The following C4orf36 variants were observed in gnomAD, a reference collection of about 807,000 sequenced individuals.
The protein encoded by C4orf36 is chromosome 4 open reading frame 36.
C4orf36 carries 11 observed loss-of-function variants against 12.2 expected under a neutral mutation model. The ratio of observed to expected loss-of-function variants is 0.90; its 90% CI spans 0.57 to 1.49. The LOEUF (loss-of-function observed/expected upper bound fraction) is 1.49. Ranked by LOEUF, C4orf36 falls within the 40% of genes most tolerant of loss-of-function variation. The pLI, the probability that C4orf36 is intolerant of heterozygous loss-of-function variation, is 0.00. For synonymous variants in C4orf36, 54 were observed against 51.3 expected (o/e 1.05, Z -0.22); for missense variants, 137 against 133.9 (o/e 1.02, Z -0.11).
chr4:86,914,299 C>A, the C4orf36 span: 5 of 1,596,968 alleles, frequency 3.1e-6, no homozygotes, highest in African/African-American at 1.3e-5. Flanking sequence ...ACGATGCGGT[C>A]GCTCTTGGGA....
At chr4:86,928,531 A>AG in the C4orf36 span, among the ~76,000 whole-genome samples, 1 of 152,206 alleles carries the variant, frequency 6.6e-6, no homozygotes, top group African/African-American at 2.4e-5. Flanking sequence ...GGCAGAGTAG[A>AG]GGAAGGGCAC....
chr4:86,909,893 TAAAAAAA>T, the C4orf36 span, among the ~76,000 whole-genome samples: 2 of 73,298 alleles, frequency 2.7e-5, no homozygotes, highest in Non-Finnish European at 5.4e-5. Flanking sequence ...GAGGAAGACT[TAAAAAAA>T]AAAAAAAAAA....
chr4:86,906,728 CAAAAAAA>C, the C4orf36 span, among the ~76,000 whole-genome samples: 176 of 78,824 alleles, frequency 2.2e-3, 1 homozygote, highest in African/African-American at 8.2e-3. Flanking sequence ...AAGACGGTCT[CAAAAAAA>C]AAAAAAAAAA....
the C4orf36 span, chr4:86,934,936 T>TG: frequency 7.4e-5 from 11 of 149,006 alleles, no homozygotes; most frequent in African/African-American, 1.7e-4. Flanking sequence ...GCTCGGGAGG[T>TG]GGGGGTGGGG....
chr4:86,881,381 T>C (rs1286560183), intron 4 of C4orf36, among the ~76,000 whole-genome samples: 1 of 152,218 alleles, frequency 6.6e-6, no homozygotes, highest in African/African-American at 2.4e-5. Flanking sequence ...TTTAGTCCCA[T>C]ATTCAATCAT....
At chr4:86,926,894 G>C in the C4orf36 span, among the ~76,000 whole-genome samples, 1 of 152,126 alleles carries the variant, frequency 6.6e-6, no homozygotes, top group Non-Finnish European at 1.5e-5. Context: ...TTTTAGAGGA[G>C]GGCCTCAACA....
At chr4:86,918,763 TAGTC>T in the C4orf36 span, among the ~76,000 whole-genome samples, 4 of 152,030 alleles carry the variant, frequency 2.6e-5, no homozygotes, top group Admixed American at 2.0e-4. Flanking sequence ...ATGCCTGTAT[TAGTC>T]AGGGTTCTCC....
At chr4:86,887,676 G>A in intron 4 of C4orf36, 82 bp downstream of exon 4, 2 of 1,557,958 alleles carry the variant, frequency 1.3e-6, no homozygotes, top group Non-Finnish European at 1.8e-6. Context: ...TATCTGCCCT[G>A]AACTATACAT....
the C4orf36 span, among the ~76,000 whole-genome samples, chr4:86,902,683 C>G: frequency 6.6e-6 from 1 of 152,166 alleles, no homozygotes; most frequent in Non-Finnish European, 1.5e-5. Context: ...AACTTGCCCA[C>G]CTCCGTCAAG....
chr4:86,885,750 G>T (rs377228584), intron 4 of C4orf36, among the ~76,000 whole-genome samples: 16 of 151,700 alleles, frequency 1.1e-4, no homozygotes, highest in East Asian at 5.8e-4. Flanking sequence ...ATAGGAGTGG[G>T]GAGAGAGGGC....
intron 1 of C4orf36, 70 bp downstream of exon 1, chr4:86,892,113 G>C: frequency 1.0e-6 from 1 of 985,674 alleles, no homozygotes; most frequent in Non-Finnish European, 1.2e-6. Flanking sequence ...TCCCGGGACG[G>C]GTGGGGGCCT....
At chr4:86,913,390 T>C in the C4orf36 span, 1 of 775,762 alleles carries the variant, frequency 1.3e-6, no homozygotes, top group Non-Finnish European at 2.3e-6. Flanking sequence ...AGTGATGCTA[T>C]TCGGGTGCAG....
upstream of C4orf36, among the ~76,000 whole-genome samples, chr4:86,892,649 G>T (rs1747475630): frequency 6.6e-6 from 1 of 152,226 alleles, no homozygotes; most frequent in African/African-American, 2.4e-5. Context: ...CTGCATCCAA[G>T]CGATCTGGAC....
chr4:86,919,315 C>CTTTTTTTTTTTTTTTTTTT, the C4orf36 span, among the ~76,000 whole-genome samples: 1 of 81,354 alleles, frequency 1.2e-5, no homozygotes, highest in African/African-American at 5.5e-5. Context: ...TTTTTTCCCC[C>CTTTTTTTTTTTTTTTTTTT]TTTTTTTTTT....
the C4orf36 span, among the ~76,000 whole-genome samples, chr4:86,930,942 G>A: frequency 6.6e-6 from 1 of 152,152 alleles, no homozygotes; most frequent in Admixed American, 6.5e-5. Flanking sequence ...AGATAACTAA[G>A]AATTTCTCTA....
the C4orf36 span, chr4:86,914,697 G>A: frequency 1.1e-4 from 41 of 379,384 alleles, no homozygotes; most frequent in African/African-American, 4.4e-4. Flanking sequence ...CACAGCGCCC[G>A]GCTCCGTTCT....
At chr4:86,920,657 G>C in the C4orf36 span, among the ~76,000 whole-genome samples, 1 of 152,174 alleles carries the variant, frequency 6.6e-6, no homozygotes, top group East Asian at 1.9e-4. Context: ...CCCAGGGCTA[G>C]AGAGCATGCT....
the C4orf36 span, among the ~76,000 whole-genome samples, chr4:86,902,417 T>TCA: frequency 6.9e-4 from 13 of 18,732 alleles, no homozygotes; most frequent in Non-Finnish European, 9.4e-4. Context: ...AATGAGACTC[T>TCA]CAAAAAAAAA....
At chr4:86,930,226 T>A in the C4orf36 span, among the ~76,000 whole-genome samples, 16 of 152,360 alleles carry the variant, frequency 1.1e-4, no homozygotes, top group African/African-American at 3.8e-4. Context: ...CTTTTCCTCT[T>A]CTTATTTAGT....
Sources: allele counts gnomAD v4.1 joint callset (sites outside exome capture counted in the v4.1 genomes callset), GRCh38; gene constraint gnomAD v4.1.1; transcripts MANE v1.5; gene names NCBI Gene and HGNC (gene_info 2026-07-23, HGNC 2026-07-21).